Variants in CC2D2A observed in about 807,000 individuals in gnomAD.
CC2D2A encodes the protein coiled-coil and C2 domain-containing protein 2A.
A neutral mutation model predicts 212.9 loss-of-function variants in CC2D2A; 155 were observed. That is an observed-to-expected ratio of 0.73 (90% CI 0.64 to 0.83). The LOEUF (loss-of-function observed/expected upper bound fraction) is 0.83. CC2D2A is among the 40% of genes least tolerant of loss of function. CC2D2A has a pLI of 0.00. For missense variants in CC2D2A, 1,856 were observed against 1,956.2 expected, an observed-to-expected ratio of 0.95 and a Z score of 0.97; for synonymous variants, 667 against 686.5, an observed-to-expected ratio of 0.97 and a Z score of 0.44.
In CC2D2A at chr4:15,510,217, C is replaced by T. The variant is rs386833763; in HGVS notation, c.517C>T (p.Arg173Ter). 29 of 1,610,958 alleles carry T rather than the reference C, an allele frequency of 1.8e-5. No individual in the cohort carries two copies. Among genetic ancestry groups the T allele is most frequent in the Middle Eastern group, 3.3e-4 (2 of 6,058 alleles). Residue 173 changes from arginine to a stop codon, truncating the protein, a stop_gained, in exon 7 of 37, where the codon CGA becomes TGA. Transcript: ENST00000424120. LOFTEE classifies it high-confidence loss of function. ...YSRVKFHDSA[R>*]KIKPKPQVPP... ...AAGAGTCAAGTTCCATGATTCTGCA[C>T]GAAAAATCAAGCCTAAACCCCAGGT... is the stretch of plus-strand genomic sequence containing the variant.
In CC2D2A at chr4:15,510,253, G is replaced by T. The variant is rs1716494415; in HGVS notation, c.540+13G>T. 1.3e-6 allele frequency: 2 copies of T among 1,599,846 alleles called. No homozygotes were observed. Among genetic ancestry groups the T allele is most frequent in the African/African-American group, 2.7e-5 (2 of 74,224 alleles). ...GCCTAAACCCCAGGTGAGAAATCTT[G>T]TTTTTTAAAATCATTTGTTTGTTTG... is the stretch of plus-strand genomic sequence containing the variant. On this transcript the variant is annotated intron_variant, in intron 7 of 36. Transcript: ENST00000424120.
At chr4:15,597,518 C>T in intron 35 of CC2D2A, 53 bp downstream of exon 35, 1 of 1,394,352 alleles carries the variant, frequency 7.2e-7, no homozygotes, top group Non-Finnish European at 9.9e-7. Flanking sequence ...AGTATAATAC[C>T]AAACTTTAAA....
chr4:15,502,605 T>C, intron 5 of CC2D2A, 88 bp downstream of exon 5: 10 of 1,177,106 alleles, frequency 8.5e-6, no homozygotes, highest in Non-Finnish European at 1.2e-5. Flanking sequence ...CCAAACTGCA[T>C]GGATTTGAAT....
chr4:15,522,713 A>G (rs1168383730), intron 11 of CC2D2A, among the ~76,000 whole-genome samples: 1 of 152,234 alleles, frequency 6.6e-6, no homozygotes, highest in Non-Finnish European at 1.5e-5. Context: ...CATCTTAAGA[A>G]GTAATTAGTG....
chr4:15,584,848 T>C (rs915999043), intron 30 of CC2D2A, among the ~76,000 whole-genome samples: 2 of 152,188 alleles, frequency 1.3e-5, no homozygotes, highest in African/African-American at 4.8e-5. Context: ...AAGAGCTGAA[T>C]TGGTATTTCT....
chr4:15,558,873 T>C (rs1719424509), intron 21 of CC2D2A, among the ~76,000 whole-genome samples: 2 of 152,182 alleles, frequency 1.3e-5, no homozygotes, highest in Admixed American at 6.5e-5. Context: ...GCAGGAGCTT[T>C]GGCTAAATTG....
intron 1 of CC2D2A, among the ~76,000 whole-genome samples, chr4:15,470,694 T>TATATATA (rs1198694540): frequency 6.1e-4 from 17 of 27,944 alleles, no homozygotes; most frequent in African/African-American, 3.6e-3. Context: ...TCTCTCTATA[T>TATATATA]ATATATATAT....
rs954975068 is a variant in CC2D2A, at chr4:15,601,522, G to T, written c.*97G>T. 2 of 740,212 alleles carry T rather than the reference G, an allele frequency of 2.7e-6. No individual in the cohort carries two copies. The highest frequency in any genetic ancestry group is 2.9e-5 in the East Asian group (1 of 34,418). 45.9% of individuals were successfully genotyped at this position (740,212 alleles called of 1,614,324 possible). ...ATCACATCAGAAGAACATATTATTG[G>T]CAAATAATAAAATTATCAACTGTTT... is the stretch of plus-strand genomic sequence containing the variant. On this transcript the variant is annotated 3_prime_UTR_variant, in exon 37 of 37. Coordinates refer to ENST00000424120, the MANE Select transcript of CC2D2A (RefSeq NM_001378615.1).
intron 9 of CC2D2A, among the ~76,000 whole-genome samples, chr4:15,515,646 T>C (rs1364414014): frequency 6.6e-6 from 1 of 152,208 alleles, no homozygotes; most frequent in Non-Finnish European, 1.5e-5. Flanking sequence ...ATGAGTTACA[T>C]ATTAAATTTT....
At chr4:15,495,722 G>T (rs1715579500) in intron 4 of CC2D2A, among the ~76,000 whole-genome samples, 1 of 152,148 alleles carries the variant, frequency 6.6e-6, no homozygotes, top group Non-Finnish European at 1.5e-5. Flanking sequence ...ATGGTAGAAT[G>T]ATTTATATTC....
At chr4:15,577,002 T>C (rs1227260267) in intron 29 of CC2D2A, among the ~76,000 whole-genome samples, 1 of 152,168 alleles carries the variant, frequency 6.6e-6, no homozygotes, top group Non-Finnish European at 1.5e-5. Context: ...TTGTTGTTGT[T>C]TTTTGTTTTT....
At chr4:15,480,912 G>T (rs1221298801) in intron 4 of CC2D2A, 85 bp downstream of exon 4, 2 of 1,489,330 alleles carry the variant, frequency 1.3e-6, no homozygotes, top group African/African-American at 2.8e-5. Context: ...TTTTTTATGG[G>T]TGTTATTTTT....
At chr4:15,517,366 C>A (rs1038892849) in intron 11 of CC2D2A, among the ~76,000 whole-genome samples, 6 of 152,148 alleles carry the variant, frequency 3.9e-5, no homozygotes, top group Non-Finnish European at 7.4e-5. Flanking sequence ...TCTCTTTTCT[C>A]TTGTTATCTC....
At chr4:15,488,055 T>C (rs927644858) in intron 4 of CC2D2A, among the ~76,000 whole-genome samples, 3 of 152,322 alleles carry the variant, frequency 2.0e-5, no homozygotes, top group African/African-American at 7.2e-5. Flanking sequence ...GATAGGTTTT[T>C]CTTTTAGTCT....
chr4:15,521,295 T>C (rs1375892847), intron 11 of CC2D2A, among the ~76,000 whole-genome samples: 1 of 152,248 alleles, frequency 6.6e-6, no homozygotes, highest in African/African-American at 2.4e-5. Context: ...TTGAATTGTA[T>C]ACCTCAGTCT....
intron 13 of CC2D2A, among the ~76,000 whole-genome samples, chr4:15,530,921 T>C (rs1007589242): frequency 6.6e-6 from 1 of 152,024 alleles, no homozygotes; most frequent in Non-Finnish European, 1.5e-5. Context: ...ACTACATTCC[T>C]TATCCTCTGA....
intron 13 of CC2D2A, among the ~76,000 whole-genome samples, chr4:15,531,100 C>G (rs1342108576): frequency 6.6e-6 from 1 of 152,152 alleles, no homozygotes; most frequent in African/African-American, 2.4e-5. Context: ...TCTATATTTC[C>G]TTTAACAGCC....
At chr4:15,588,688 A>G (rs974509576) in intron 32 of CC2D2A, among the ~76,000 whole-genome samples, 5 of 152,144 alleles carry the variant, frequency 3.3e-5, no homozygotes, top group African/African-American at 9.7e-5. Context: ...TCTGGTCCCA[A>G]TAAAAGAACA....
In CC2D2A at chr4:15,499,087, G is replaced by A. The variant is rs957732128; in HGVS notation, c.248-3342G>A. Among the ~76,000 whole-genome samples, 7 of 152,192 alleles carry A rather than the reference G, an allele frequency of 4.6e-5. 1 individual carries two copies. The South Asian group carries it at 1.4e-3, about 31-fold the overall frequency. On this transcript the variant is annotated intron_variant, in intron 4 of 36. Coordinates refer to ENST00000424120, the MANE Select transcript of CC2D2A (RefSeq NM_001378615.1). ...AAAAACAAAATCAGTAAAAAGATCA[G>A]TGGTTGCCAGAAAGTAGAGGGGAGG...
Sources: allele counts gnomAD v4.1 joint callset (sites outside exome capture counted in the v4.1 genomes callset), GRCh38; gene constraint gnomAD v4.1.1; transcripts MANE v1.5; gene names NCBI Gene and HGNC (gene_info 2026-07-23, HGNC 2026-07-21).